The following INTS1 variants were observed in gnomAD, a reference collection of about 807,000 sequenced individuals.
The protein encoded by INTS1 is integrator complex subunit 1.
INTS1 carries 137 observed loss-of-function variants against 241.6 expected under a neutral mutation model. That is an observed-to-expected ratio of 0.57 (90% CI 0.49 to 0.65). The LOEUF (loss-of-function observed/expected upper bound fraction) is 0.65, where lower values mean the gene tolerates loss of function less well. Ranked by LOEUF, INTS1 falls within the 30% of genes least tolerant of loss-of-function variation. The probability of loss-of-function intolerance (pLI) is 0.00; values close to 1 mark genes in which losing one functional copy is unlikely to be tolerated. For synonymous variants in INTS1, 1,692 were observed against 1,337.8 expected (o/e 1.26, Z -5.78); for missense variants, 3,073 against 3,032.2 (o/e 1.01, Z -0.32).
intron 16 of INTS1, among the ~76,000 whole-genome samples, chr7:1,490,345 G>A (rs891492528): frequency 2.6e-5 from 4 of 151,502 alleles, no homozygotes; most frequent in Middle Eastern, 3.4e-3. Context: ...TCTGCATAAA[G>A]GGACGCCCCT....
intron 20 of INTS1, 108 bp from the exon 21 acceptor site, chr7:1,487,209 C>G: frequency 6.6e-7 from 1 of 1,504,066 alleles, no homozygotes; most frequent in Non-Finnish European, 9.0e-7. Context: ...GCAGCCAGCT[C>G]ATGGGCCCCG....
At chr7:1,484,993 CAGGG>C in intron 24 of INTS1, 101 bp downstream of exon 24, 1 of 585,756 alleles carries the variant, frequency 1.7e-6, no homozygotes, top group Admixed American at 3.0e-5. Context: ...GTCCCCTCCC[CAGGG>C]CCACACTGCC....
At chr7:1,503,444 C>A (rs908610346) in intron 2 of INTS1, among the ~76,000 whole-genome samples, 15 of 152,140 alleles carry the variant, frequency 9.9e-5, no homozygotes, top group African/African-American at 3.1e-4. Context: ...TGCTTAGTAA[C>A]CCCCGCCCCG....
Position 1,494,779 on chromosome 7 carries a change from C to A in INTS1, c.1910+37G>T, listed in dbSNP as rs1185278988. ...CCCGGCACCCCGCAGCCCCGCCCAG[C>A]CCGGCACACAGGAGCCCCAGGCGGC... is the stretch of plus-strand genomic sequence containing the variant. On this transcript the variant is annotated intron_variant, in intron 14 of 47. Transcript: ENST00000404767. 5.8e-6 allele frequency: 9 copies of A among 1,544,264 alleles called. 1 individual carries two copies. The highest frequency in any genetic ancestry group is 2.4e-5 in the South Asian group (2 of 83,988).
Position 1,481,914 on chromosome 7 carries a change from C to T in INTS1, c.3704-426G>A, listed in dbSNP as rs1782018185. On this transcript the variant is annotated intron_variant, in intron 27 of 47. Coordinates refer to ENST00000404767, the MANE Select transcript of INTS1 (RefSeq NM_001080453.3). The surrounding 1 kb of genome is among the most constrained non-coding windows in gnomAD (Gnocchi z 6.8). Reference sequence around the variant, plus strand: ...AGGGGTGGGTGGGCGCTCCAGAGGGCCTATGGTGGCACGGCGCAGTACACT... The same window carrying T: ...AGGGGTGGGTGGGCGCTCCAGAGGGTCTATGGTGGCACGGCGCAGTACACT... Among the ~76,000 whole-genome samples the T allele has an allele frequency of 2.6e-5, 4 of 152,158 alleles. No individual in the cohort carries two copies. The highest frequency in any genetic ancestry group is 2.6e-4 in the Admixed American group (4 of 15,286).
intron 26 of INTS1, chr7:1,483,272 G>A (rs997204121): frequency 5.9e-5 from 14 of 237,392 alleles, no homozygotes; most frequent in East Asian, 2.0e-4. Flanking sequence ...GGCTGCGGCC[G>A]CAGAGGGCAC....
intron 1 of INTS1, 49 bp from the exon 2 acceptor site, chr7:1,504,050 G>C (rs1159463210): frequency 5.0e-6 from 5 of 991,838 alleles, no homozygotes; most frequent in Middle Eastern, 2.3e-4. Flanking sequence ...TCGCTCGTTC[G>C]CTCGCTCATT....
rs745572417 is a variant in INTS1 at position 1,476,868 on chromosome 7, G to T, written c.4989C>A (p.Leu1663=). Reference sequence around the variant, plus strand: ...TGGGCCAGCTGGACTGATGCGTGAAGAGGGTCAGGAGGTAGGGACGGAACG... The same window carrying T: ...TGGGCCAGCTGGACTGATGCGTGAATAGGGTCAGGAGGTAGGGACGGAACG... ...VPSFRPYLLT[L]FTHQSSWPTL... Residue 1663 remains leucine, a synonymous_variant, in exon 36 of 48, where the codon CTC becomes CTA. Coordinates refer to ENST00000404767, the MANE Select transcript of INTS1 (RefSeq NM_001080453.3). The T allele has an allele frequency of 1.9e-6, 3 of 1,612,786 alleles. No individual in the cohort carries two copies. The highest frequency in any genetic ancestry group is 2.5e-6 in the Non-Finnish European group (3 of 1,179,836).
At position 1,487,182 on chromosome 7, in the gene INTS1, G is replaced by T. The variant is rs1048857073; in HGVS notation, c.2647-81C>A. On this transcript the variant is annotated intron_variant, in intron 20 of 47. Transcript: ENST00000404767. ...CAGCCCCCCGGGTGACCGCGGAGCC[G>T]GAAAGGGCGACACGCAGCAGCCAGC... The T allele has an allele frequency of 4.6e-6, 7 of 1,514,490 alleles. No homozygotes were observed. The Admixed American group carries it at 1.4e-4, about 30-fold the overall frequency. 93.8% of individuals were successfully genotyped at this position (1,514,490 alleles called of 1,614,324 possible). A position where few individuals can be genotyped will look rare whatever the true frequency, so the allele number is the denominator to read the frequency against.
chr7:1,470,598 C>A lies in INTS1; in HGVS notation c.6552G>T (p.Leu2184=). ...SAQISEALRI[L]HMEAVM ...AGGCTCACATCACGGCCTCCATATG[C>A]AGGATCCTCAGGGCCTCGGAGATCT... is the stretch of plus-strand genomic sequence containing the variant. The change falls in exon 48 of 48, where the codon CTG becomes CTT. Residue 2184 remains leucine (L), a synonymous_variant. Coordinates refer to ENST00000404767, the MANE Select transcript of INTS1 (RefSeq NM_001080453.3). 1 of 1,576,922 alleles carries A rather than the reference C, an allele frequency of 6.3e-7. No homozygotes were observed. The highest frequency in any genetic ancestry group is 1.2e-5 in the South Asian group (1 of 86,382).
At chr7:1,487,594 G>T in intron 19 of INTS1, 145 bp from the exon 20 acceptor site, 2 of 1,285,636 alleles carry the variant, frequency 1.6e-6, no homozygotes, top group Non-Finnish European at 2.1e-6. Flanking sequence ...CCAAGGCCTG[G>T]CCCCACAGCA....
intron 42 of INTS1, 60 bp from the exon 43 acceptor site, chr7:1,473,244 AG>A: frequency 2.7e-6 from 3 of 1,113,838 alleles, no homozygotes; most frequent in Non-Finnish European, 3.8e-6. Context: ...AGGCTGGGTC[AG>A]GGGTCAAACT....
chr7:1,499,611 C>A lies in INTS1; in HGVS notation c.706G>T (p.Gly236Trp). The A allele has an allele frequency of 6.2e-7, 1 of 1,612,402 alleles. No individual in the cohort carries two copies. Among genetic ancestry groups the A allele is most frequent in the Non-Finnish European group, 8.5e-7 (1 of 1,179,138 alleles). ...FVKVYIEDSL[G>W]ERIWVDSPHC... ...GGGCTGTCCACCCAGATCCGCTCCCCCAGGGAGTCCTCGATGTACACCTGT... is the reference window on the plus strand; with the variant it reads ...GGGCTGTCCACCCAGATCCGCTCCCACAGGGAGTCCTCGATGTACACCTGT... Residue 236 changes from glycine to tryptophan, a missense_variant, in exon 6 of 48, where the codon GGG becomes TGG. By Grantham distance (184) the Gly-to-Trp change is radical (BLOSUM62 -2). Transcript: ENST00000404767.
At chr7:1,475,923 G>A in intron 39 of INTS1, 25 bp downstream of exon 39, 1 of 1,525,558 alleles carries the variant, frequency 6.6e-7, no homozygotes, top group Non-Finnish European at 8.8e-7. Context: ...GACGGCGGCG[G>A]GGAGCGGCAG....
chr7:1,478,615 C>T, intron 32 of INTS1, 109 bp from the exon 33 acceptor site: 1 of 1,492,382 alleles, frequency 6.7e-7, no homozygotes, highest in Non-Finnish European at 9.0e-7. Context: ...CACGCGGGTA[C>T]CCACCCCCCA....
intron 16 of INTS1, among the ~76,000 whole-genome samples, chr7:1,491,184 C>T (rs549572108): frequency 2.0e-5 from 3 of 152,358 alleles, no homozygotes; most frequent in East Asian, 1.9e-4. Flanking sequence ...CTAGGTACAA[C>T]GTCAAAGCAC....
At chr7:1,472,965 C>T (rs948454267) in intron 43 of INTS1, 107 bp downstream of exon 43, 5 of 671,244 alleles carry the variant, frequency 7.4e-6, no homozygotes, top group Non-Finnish European at 1.2e-5. Context: ...CACACAGCCC[C>T]CATCGGGACG....
chr7:1,478,618 ACCC>A (rs201374449), intron 32 of INTS1, 105 bp downstream of exon 32: 8 of 1,485,246 alleles, frequency 5.4e-6, no homozygotes, highest in South Asian at 2.6e-5. Context: ...GCGGGTACCC[ACCC>A]CCCAAGCCAC....
At position 1,499,100 on chromosome 7, in the gene INTS1, T is replaced by A. The variant is rs1428989313; in HGVS notation, c.1012A>T (p.Asn338Tyr). ...YVLDMLRDQLNRRQPIDNVSR... is the reference protein window; with the variant it reads ...YVLDMLRDQLYRRQPIDNVSR... ...ACGTTGTCGATGGGCTGGCGCCGGT[T>A]CAGCTGGTCCCGCAGCATGTCCAGG... Residue 338 changes from asparagine (N) to tyrosine (Y), a missense_variant, in exon 8 of 48, where the codon AAC (asparagine) becomes TAC (tyrosine). By Grantham distance (143) the Asn-to-Tyr change is moderately radical. Coordinates refer to ENST00000404767, the MANE Select transcript of INTS1 (RefSeq NM_001080453.3). 6.2e-7 allele frequency: 1 copy of A among 1,610,930 alleles called. No individual in the cohort carries two copies. The highest frequency in any genetic ancestry group is 1.1e-5 in the South Asian group (1 of 90,828).
Sources: allele counts gnomAD v4.1 joint callset (sites outside exome capture counted in the v4.1 genomes callset), GRCh38; gene constraint gnomAD v4.1.1; non-coding constraint Gnocchi (gnomAD v3.1); transcripts MANE v1.5; gene names NCBI Gene and HGNC (gene_info 2026-07-23, HGNC 2026-07-21).